Variants in XRCC5 observed in about 807,000 individuals in gnomAD.
XRCC5 encodes the protein DNA repair protein Ku80.
In XRCC5, 12 loss-of-function variants were observed where a neutral mutation model predicts 95.7. The ratio of observed to expected loss-of-function variants is 0.13; its 90% confidence interval spans 0.08 to 0.20. The LOEUF is 0.20. Among genes scored for constraint, XRCC5 ranks in the 10% least tolerant of loss-of-function variants. The probability of loss-of-function intolerance (pLI) is 1.00; values close to 1 mark genes in which losing one functional copy is unlikely to be tolerated. For missense variants in XRCC5, 595 were observed against 873.9 expected, an observed-to-expected ratio of 0.68 and a Z score of 4.02; for synonymous variants, 281 against 290.3, an observed-to-expected ratio of 0.97 and a Z score of 0.33.
intron 19 of XRCC5, among the ~76,000 whole-genome samples, chr2:216,200,279 A>G (rs1333109337): frequency 6.6e-6 from 1 of 152,228 alleles, no homozygotes; most frequent in Admixed American, 6.5e-5. Flanking sequence ...GAGAGTGCAC[A>G]GGAATTCTCC....
At chr2:216,136,466 AG>A (rs1288321632) in intron 10 of XRCC5, among the ~76,000 whole-genome samples, 2 of 152,140 alleles carry the variant, frequency 1.3e-5, no homozygotes, top group Non-Finnish European at 2.9e-5. Flanking sequence ...GAGGAGGGAA[AG>A]GTCTAAAGTA....
intron 4 of XRCC5, among the ~76,000 whole-genome samples, chr2:216,118,230 G>A (rs1462400055): frequency 1.3e-5 from 2 of 151,146 alleles, no homozygotes; most frequent in South Asian, 2.1e-4. Context: ...AGAGTGCAGT[G>A]GTGCCAATAT....
At chr2:216,182,115 C>G (rs1333452613) in intron 16 of XRCC5, among the ~76,000 whole-genome samples, 1 of 152,166 alleles carries the variant, frequency 6.6e-6, no homozygotes, top group Non-Finnish European at 1.5e-5. Flanking sequence ...TGTGCTGCCT[C>G]CCCCTTGTCC....
intron 17 of XRCC5, among the ~76,000 whole-genome samples, chr2:216,190,748 A>C (rs1426135292): frequency 1.3e-5 from 2 of 152,198 alleles, no homozygotes; most frequent in East Asian, 3.8e-4. Context: ...AGGAGTAGGG[A>C]TCTAAATGTC....
At position 216,141,179 on chromosome 2, in the gene XRCC5, G is replaced by A; in HGVS notation, c.1343-7G>A. ...TAATCATTTTTCTTTCGGCTTCTCT[G>A]TTTAAGAGGCACAGTTGAATGCTGT... is the stretch of plus-strand genomic sequence containing the variant. On this transcript the variant is annotated splice_polypyrimidine_tract_variant and splice_region_variant and intron_variant, in intron 12 of 20. Coordinates refer to ENST00000392132, the MANE Select transcript of XRCC5 (RefSeq NM_021141.4). The A allele has an allele frequency of 1.2e-6, 2 of 1,612,976 alleles. No homozygotes were observed. Among genetic ancestry groups the A allele is most frequent in the Non-Finnish European group, 1.7e-6 (2 of 1,179,644 alleles).
chr2:216,113,455 C>T (rs1696631487), intron 2 of XRCC5, among the ~76,000 whole-genome samples: 1 of 152,212 alleles, frequency 6.6e-6, no homozygotes, highest in African/African-American at 2.4e-5. Context: ...TACTAACCTT[C>T]TGATGTTGAA....
chr2:216,123,689 C>G (rs1001504344), intron 6 of XRCC5, among the ~76,000 whole-genome samples: 2 of 152,126 alleles, frequency 1.3e-5, no homozygotes, highest in Non-Finnish European at 2.9e-5. Flanking sequence ...GCCTGTAGTC[C>G]TAGCTACTTG....
intron 16 of XRCC5, among the ~76,000 whole-genome samples, chr2:216,171,338 C>T (rs555172451): frequency 2.5e-4 from 38 of 152,196 alleles, no homozygotes; most frequent in Non-Finnish European, 3.2e-4. Context: ...AGAAAAATGT[C>T]GTGCTTGCTT....
intron 20 of XRCC5, 91 bp downstream of exon 20, chr2:216,204,487 T>A (rs1292184106): frequency 7.1e-7 from 1 of 1,401,228 alleles, no homozygotes; most frequent in Non-Finnish European, 1.0e-6. Flanking sequence ...TTACACTTGT[T>A]GCTTATTTGT....
At chr2:216,181,094 C>T (rs1057374824) in intron 16 of XRCC5, among the ~76,000 whole-genome samples, 2 of 151,924 alleles carry the variant, frequency 1.3e-5, no homozygotes, top group African/African-American at 4.8e-5. Flanking sequence ...AATACAGGCA[C>T]GAACCACTGC....
At chr2:216,156,248 T>G (rs1447688197) in intron 14 of XRCC5, 1 of 493,442 alleles carries the variant, frequency 2.0e-6, no homozygotes, top group Non-Finnish European at 3.9e-6. Context: ...AAGTTTCCTT[T>G]CAGTCATTCC....
chr2:216,116,594 T>C, intron 2 of XRCC5, 65 bp from the exon 3 acceptor site: 1 of 1,590,790 alleles, frequency 6.3e-7, no homozygotes. Flanking sequence ...TCCCTGAAGG[T>C]TAGGTATTTT....
intron 1 of XRCC5, among the ~76,000 whole-genome samples, chr2:216,110,772 A>G (rs142448215): frequency 7.3e-4 from 111 of 152,360 alleles, no homozygotes; most frequent in African/African-American, 2.5e-3. Context: ...GTGTGTATCA[A>G]ATAAGTGCAG....
intron 16 of XRCC5, among the ~76,000 whole-genome samples, chr2:216,188,624 A>G (rs1014455330): frequency 4.6e-5 from 7 of 152,226 alleles, no homozygotes. Flanking sequence ...ACTTTGTATC[A>G]GATGATCTGG....
chr2:216,135,281 T>C (rs1697057021), intron 10 of XRCC5, among the ~76,000 whole-genome samples: 1 of 152,016 alleles, frequency 6.6e-6, no homozygotes, highest in African/African-American at 2.4e-5. Flanking sequence ...TTACTAAGCC[T>C]AGAGAAAAGG....
In XRCC5 at chr2:216,131,382, C is replaced by G. The variant is rs539908338; in HGVS notation, c.1050+395C>G. ...ATAAAAATGCATGAGAAACATTGCC[C>G]AATACAGCACATTGCATGTTCTTGA... On this transcript the variant is annotated intron_variant, in intron 9 of 20. Transcript: ENST00000392132. 9.2e-5 allele frequency among the ~76,000 whole-genome samples: 14 copies of G among 152,196 alleles called. No individual in the cohort carries two copies. In the East Asian group the frequency reaches 2.7e-3, roughly 29 times the overall value.
chr2:216,187,387 C>A (rs1302762360), intron 16 of XRCC5, among the ~76,000 whole-genome samples: 2 of 150,698 alleles, frequency 1.3e-5, no homozygotes, highest in African/African-American at 4.9e-5. Flanking sequence ...TGCCTTCTTT[C>A]CTGTATCGTT....
chr2:216,149,910 C>T (rs868571574), intron 14 of XRCC5, among the ~76,000 whole-genome samples: 8 of 152,178 alleles, frequency 5.3e-5, no homozygotes, highest in South Asian at 4.1e-4. Context: ...AAGTATCTTA[C>T]TCACACACGC....
At chr2:216,109,590 C>A (rs934034893) in intron 1 of XRCC5, 133 bp downstream of exon 1, 6 of 1,366,570 alleles carry the variant, frequency 4.4e-6, no homozygotes, top group Non-Finnish European at 6.1e-6. Flanking sequence ...TGGGCTCAGT[C>A]AGGAGGGCCG....
Sources: allele counts gnomAD v4.1 joint callset (sites outside exome capture counted in the v4.1 genomes callset), GRCh38; gene constraint gnomAD v4.1.1; transcripts MANE v1.5; gene names NCBI Gene and HGNC (gene_info 2026-07-23, HGNC 2026-07-21).